Variants in ATP8B4 observed in about 807,000 individuals in gnomAD.
ATP8B4 encodes the protein ATPase phospholipid transporting 8B4 (putative), also known as probable phospholipid-transporting ATPase IM.
In ATP8B4, 133 loss-of-function variants were observed where a neutral mutation model predicts 145.6. That is an observed-to-expected ratio of 0.91 (90% confidence interval 0.79 to 1.05). ATP8B4 has a LOEUF of 1.05. Ranked by LOEUF, ATP8B4 falls within the 50% of genes least tolerant of loss-of-function variation. ATP8B4 has a pLI of 0.00. For missense variants in ATP8B4, 1,458 were observed against 1,425.2 expected (o/e 1.02, Z -0.37); for synonymous variants, 507 against 492.9 (o/e 1.03, Z -0.38).
chr15:50,094,720 A>ATATATACACACACAC (rs1307628478), intron 2 of ATP8B4, among the ~76,000 whole-genome samples: 1 of 148,554 alleles, frequency 6.7e-6, no homozygotes, highest in African/African-American at 2.5e-5. Flanking sequence ...TACTATATAT[A>ATATATACACACACAC]TATATATACA....
At chr15:49,984,437 G>A (rs1489040283) in intron 10 of ATP8B4, among the ~76,000 whole-genome samples, 1 of 152,120 alleles carries the variant, frequency 6.6e-6, no homozygotes, top group Non-Finnish European at 1.5e-5. Context: ...GGAAACAAAA[G>A]GTTAGTGCAT....
intron 26 of ATP8B4, 101 bp from the exon 27 acceptor site, chr15:49,862,476 T>A: frequency 7.6e-7 from 1 of 1,313,218 alleles, no homozygotes; most frequent in East Asian, 2.7e-5. Flanking sequence ...TTTTTTGAGA[T>A]GGAGTCTTGC....
intron 14 of ATP8B4, among the ~76,000 whole-genome samples, chr15:49,956,874 T>TGAAATTAGAGG (rs1335261167): frequency 1.3e-5 from 2 of 152,184 alleles, no homozygotes; most frequent in African/African-American, 4.8e-5. Context: ...GAAGTATTCT[T>TGAAATTAGAGG]GAAATTAGAG....
intron 5 of ATP8B4, 64 bp from the exon 6 acceptor site, chr15:50,038,893 C>T: frequency 7.3e-7 from 1 of 1,371,424 alleles, no homozygotes; most frequent in Non-Finnish European, 1.0e-6. Flanking sequence ...CAAATAAGCA[C>T]ACTGGCAATA....
At chr15:50,127,601 C>A (rs2153678579) in intron 1 of ATP8B4, among the ~76,000 whole-genome samples, 1 of 152,334 alleles carries the variant, frequency 6.6e-6, no homozygotes, top group South Asian at 2.1e-4. Context: ...CTTATACACA[C>A]TATCTCTGAG....
intron 2 of ATP8B4, among the ~76,000 whole-genome samples, 155 bp from the exon 3 acceptor site, chr15:50,074,340 T>G (rs2054042325): frequency 6.6e-6 from 1 of 152,248 alleles, no homozygotes; most frequent in South Asian, 2.1e-4. Flanking sequence ...GTGTACATGT[T>G]GGAACATGTG....
At chr15:49,991,696 G>T (rs963588902) in intron 9 of ATP8B4, among the ~76,000 whole-genome samples, 2 of 152,008 alleles carry the variant, frequency 1.3e-5, no homozygotes, top group African/African-American at 2.4e-5. Context: ...CAAATAAATG[G>T]ATTTACCTGC....
chr15:49,952,881 T>C (rs951243923), intron 14 of ATP8B4, among the ~76,000 whole-genome samples: 1 of 148,568 alleles, frequency 6.7e-6, no homozygotes, highest in African/African-American at 2.4e-5. Flanking sequence ...GGATGGGGTT[T>C]TTGTGGGGGC....
intron 1 of ATP8B4, among the ~76,000 whole-genome samples, chr15:50,128,985 T>G (rs1185668658): frequency 6.6e-6 from 1 of 152,180 alleles, no homozygotes; most frequent in East Asian, 1.9e-4. Flanking sequence ...GAAGAATCAC[T>G]TGAACCCGGG....
At chr15:50,166,553 C>T (rs2044601156) in intron 1 of ATP8B4, among the ~76,000 whole-genome samples, 1 of 152,148 alleles carries the variant, frequency 6.6e-6, no homozygotes, top group African/African-American at 2.4e-5. Context: ...AACTACCTTC[C>T]CTATTTCCAC....
chr15:50,047,286 A>C lies in ATP8B4; in HGVS notation c.201+65T>G, dbSNP rs182242294. 220 of 1,034,108 alleles carry C rather than the reference A, an allele frequency of 2.1e-4. 1 individual carries two copies. The Admixed American group carries it at 4.4e-3, about 21-fold the overall frequency. 64.1% of individuals were successfully genotyped at this position (1,034,108 alleles called of 1,614,324 possible). On this transcript the variant is annotated intron_variant, in intron 4 of 27. Coordinates refer to ENST00000284509, the MANE Select transcript of ATP8B4 (RefSeq NM_024837.4). ...AACATTTAGCTAAGTAAATTGACTT[A>C]CTTTTTACAATTTTATGAATACTTT...
chr15:50,042,862 A>G (rs2051408379), intron 5 of ATP8B4, among the ~76,000 whole-genome samples: 1 of 152,218 alleles, frequency 6.6e-6, no homozygotes, highest in Non-Finnish European at 1.5e-5. Flanking sequence ...ACACTCCGTT[A>G]ATCTAAAAGT....
chr15:50,171,477 A>T (rs933381987), intron 1 of ATP8B4, among the ~76,000 whole-genome samples: 1 of 152,234 alleles, frequency 6.6e-6, no homozygotes, highest in Non-Finnish European at 1.5e-5. Flanking sequence ...AACGAAATCA[A>T]GATGGAAATT....
intron 3 of ATP8B4, among the ~76,000 whole-genome samples, chr15:50,055,931 G>C (rs576041555): frequency 1.3e-5 from 2 of 152,298 alleles, no homozygotes; most frequent in South Asian, 4.1e-4. Flanking sequence ...AGAACCCCTG[G>C]TAGTTCCTCA....
At chr15:50,143,015 G>C (rs1446096824) in intron 1 of ATP8B4, among the ~76,000 whole-genome samples, 1 of 152,208 alleles carries the variant, frequency 6.6e-6, no homozygotes, top group African/African-American at 2.4e-5. Flanking sequence ...AGAAGCTGAA[G>C]ACCTGGAGAT....
chr15:50,068,966 C>T (rs2053557629), intron 3 of ATP8B4, among the ~76,000 whole-genome samples: 1 of 152,206 alleles, frequency 6.6e-6, no homozygotes, highest in Non-Finnish European at 1.5e-5. Flanking sequence ...ACTCTGAAAT[C>T]CTTTTAACAG....
At chr15:50,170,574 C>G (rs2044657317) in intron 1 of ATP8B4, among the ~76,000 whole-genome samples, 1 of 134,822 alleles carries the variant, frequency 7.4e-6, no homozygotes, top group East Asian at 2.6e-4. Context: ...CAAAACAGAA[C>G]CTCTTTAAAG....
intron 14 of ATP8B4, among the ~76,000 whole-genome samples, chr15:49,960,833 A>C (rs892637659): frequency 1.3e-5 from 2 of 152,186 alleles, no homozygotes; most frequent in African/African-American, 4.8e-5. Flanking sequence ...AAAATGGGTA[A>C]AAAAATTATG....
chr15:50,129,803 T>A (rs913160333), intron 1 of ATP8B4, among the ~76,000 whole-genome samples: 1 of 151,652 alleles, frequency 6.6e-6, no homozygotes, highest in Non-Finnish European at 1.5e-5. Flanking sequence ...CAAAAATTAG[T>A]TGAGCATGGT....
Sources: gnomAD v4.1 joint callset for allele counts (sites outside exome capture counted in the v4.1 genomes callset) on GRCh38, gnomAD v4.1.1 for gene constraint, MANE v1.5 for transcripts, NCBI Gene and HGNC (gene_info 2026-07-23, HGNC 2026-07-21) for gene names.